NIPA1: variants seen among roughly 807,000 people sequenced by gnomAD.
The protein encoded by NIPA1 is magnesium transporter NIPA1.
NIPA1 carries 13 observed loss-of-function variants against 23.9 expected under a neutral mutation model. The ratio of observed to expected loss-of-function variants is 0.54; its 90% CI spans 0.35 to 0.87. The LOEUF is 0.87. NIPA1 is among the 40% of genes least tolerant of loss of function. The pLI is 0.01. For synonymous variants in NIPA1, 234 were observed against 202.9 expected, an observed-to-expected ratio of 1.15 and a Z score of -1.30; for missense variants, 362 against 429.7, an observed-to-expected ratio of 0.84 and a Z score of 1.39.
At chr15:22,793,707 A>G (rs1894883403) in intron 1 of NIPA1, among the ~76,000 whole-genome samples, 1 of 151,986 alleles carries the variant, frequency 6.6e-6, no homozygotes, top group Non-Finnish European at 1.5e-5. Flanking sequence ...CTTCCAACTT[A>G]TGTTTAAGTC....
chr15:22,803,503 CTT>C (rs35223839), intron 1 of NIPA1, among the ~76,000 whole-genome samples: 222 of 69,332 alleles, frequency 3.2e-3, no homozygotes, highest in Middle Eastern at 0.014. Context: ...TTAAAAGTGC[CTT>C]TTTTTTTTTT....
chr15:22,802,242 A>C (rs1437983275), intron 1 of NIPA1, among the ~76,000 whole-genome samples: 1 of 152,050 alleles, frequency 6.6e-6, no homozygotes. Context: ...AAATACAAAA[A>C]TTAGCCAGGC....
At chr15:22,812,530 G>A (rs1895339538) in intron 3 of NIPA1, among the ~76,000 whole-genome samples, 1 of 151,960 alleles carries the variant, frequency 6.6e-6, no homozygotes, top group Non-Finnish European at 1.5e-5. Context: ...GCGACCACCT[G>A]TAGTCCTAGC....
intron 1 of NIPA1, among the ~76,000 whole-genome samples, chr15:22,795,979 T>A (rs1056353842): frequency 6.6e-6 from 1 of 152,114 alleles, no homozygotes; most frequent in Non-Finnish European, 1.5e-5. Context: ...TCGCCCAGGC[T>A]GGAGTACATT....
At chr15:22,810,002 C>T (rs952803013) in intron 1 of NIPA1, among the ~76,000 whole-genome samples, 12 of 151,980 alleles carry the variant, frequency 7.9e-5, no homozygotes, top group African/African-American at 2.2e-4. Context: ...GCCGACATCG[C>T]GCCATTGCAC....
chr15:22,829,748 T>C lies in NIPA1; in HGVS notation c.*5509T>C, dbSNP rs149363063. ...TAAGTTTTCCAGTAATATTTATTAA[T>C]CTGTATGTGTTTTAAAATAAAATAA... On this transcript the variant is annotated 3_prime_UTR_variant, in exon 5 of 5. Coordinates refer to ENST00000337435, the MANE Select transcript of NIPA1 (RefSeq NM_144599.5). The C allele has an allele frequency of 6.6e-6, 1 of 152,334 alleles. No homozygotes were observed. Among genetic ancestry groups the C allele is most frequent in the African/African-American group, 2.4e-5 (1 of 41,574 alleles). The allele number at this position is 152,334 out of a possible 1,614,324, so 9.4% of individuals were successfully genotyped here.
At chr15:22,800,148 G>A (rs1895044834) in intron 1 of NIPA1, among the ~76,000 whole-genome samples, 1 of 151,614 alleles carries the variant, frequency 6.6e-6, no homozygotes, top group Non-Finnish European at 1.5e-5. Context: ...ACCTGCCCAT[G>A]GTCCCCTGAA....
chr15:22,788,756 T>A (rs1382577993), intron 1 of NIPA1, among the ~76,000 whole-genome samples: 3 of 149,280 alleles, frequency 2.0e-5, no homozygotes, highest in Non-Finnish European at 4.5e-5. Context: ...AGTAGCCTTT[T>A]AAAAAAAACA....
chr15:22,792,710 T>A (rs1894858300), intron 1 of NIPA1, among the ~76,000 whole-genome samples: 1 of 152,000 alleles, frequency 6.6e-6, no homozygotes, highest in East Asian at 1.9e-4. Context: ...TCCCAGCACT[T>A]TAGGAGGCCG....
chr15:22,789,153 C>G lies in NIPA1; in HGVS notation c.178+2319C>G, dbSNP rs571232554. Among the ~76,000 whole-genome samples the G allele has an allele frequency of 4.7e-4, 71 of 151,676 alleles. 1 individual carries two copies. The South Asian group carries it at 0.014, about 31-fold the overall frequency. ...TACAGGCGCGTGCCACCATATCTGG[C>G]TAATTTTGTGCTTTTACTGGAGATG... On this transcript the variant is annotated intron_variant, in intron 1 of 4. Coordinates refer to ENST00000337435, the MANE Select transcript of NIPA1 (RefSeq NM_144599.5).
chr15:22,790,350 G>A (rs1894801595), intron 1 of NIPA1, among the ~76,000 whole-genome samples: 1 of 151,472 alleles, frequency 6.6e-6, no homozygotes, highest in Non-Finnish European at 1.5e-5. Flanking sequence ...TTGTTTTTGA[G>A]ATGGAGTCTT....
chr15:22,786,592 A>C (rs1595626516), upstream of NIPA1: 6 of 534,704 alleles, frequency 1.1e-5, no homozygotes, highest in Non-Finnish European at 1.4e-5. Flanking sequence ...CCTCCCGGTC[A>C]CCCCCCATCC....
chr15:22,798,946 C>G (rs1388495341), intron 1 of NIPA1, among the ~76,000 whole-genome samples: 4 of 145,148 alleles, frequency 2.8e-5, no homozygotes, highest in Non-Finnish European at 6.0e-5. Flanking sequence ...CCTTGGTTAA[C>G]AATGATCATT....
intron 4 of NIPA1, 138 bp downstream of exon 4, chr15:22,820,611 G>A (rs922083020): frequency 1.3e-6 from 1 of 780,798 alleles, no homozygotes; most frequent in African/African-American, 1.7e-5. Context: ...GTAGATCTGT[G>A]TTCTCTGGGA....
intron 1 of NIPA1, among the ~76,000 whole-genome samples, chr15:22,797,914 G>A (rs1335212251): frequency 3.4e-5 from 5 of 146,466 alleles, no homozygotes; most frequent in African/African-American, 1.3e-4. Context: ...GCACAATCTC[G>A]GCTCACTGCA....
Position 22,810,767 on chromosome 15 carries a change from A to G in NIPA1, c.197A>G (p.Asp66Gly). Residue 66 changes from aspartate to glycine, a missense_variant, in exon 2 of 5, where the codon GAC becomes GGC. Coordinates refer to ENST00000337435, the MANE Select transcript of NIPA1 (RefSeq NM_144599.5). ...TTTATAGGTACTTCCTATTTAACAG[A>G]CATTGTGTGGTGGGCTGGCACAATC... ...AKRRGTSYLTDIVWWAGTIAM... is the reference protein window; with the variant it reads ...AKRRGTSYLTGIVWWAGTIAM... The G allele has an allele frequency of 6.2e-7, 1 of 1,610,546 alleles. No individual in the cohort carries two copies. The highest frequency in any genetic ancestry group is 8.5e-7 in the Non-Finnish European group (1 of 1,176,726).
chr15:22,802,898 G>GT (rs1895114783), intron 1 of NIPA1, among the ~76,000 whole-genome samples: 1 of 152,120 alleles, frequency 6.6e-6, no homozygotes, highest in African/African-American at 2.4e-5. Context: ...TTGCTGAGTA[G>GT]TGTTGTGTTG....
Position 22,825,304 on chromosome 15 carries a change from T to TA in NIPA1, c.*1066dup, listed in dbSNP as rs1333637219. On this transcript the variant is annotated 3_prime_UTR_variant, in exon 5 of 5. Transcript: ENST00000337435. ...CAGTAAAACTATGGTATTACAATGT[T>TA]ATGGGACCACCGTCATGTAAGTGGT... 5 of 152,184 alleles carry TA rather than the reference T, an allele frequency of 3.3e-5. No homozygotes were observed. Among genetic ancestry groups the TA allele is most frequent in the Admixed American group, 2.0e-4 (3 of 15,278 alleles). The allele number at this position is 152,184 out of a possible 1,614,324, so 9.4% of individuals were successfully genotyped here. A position where few individuals can be genotyped will look rare whatever the true frequency, so the allele number is the denominator to read the frequency against.
intron 1 of NIPA1, among the ~76,000 whole-genome samples, chr15:22,799,605 A>T (rs1375433694): frequency 6.6e-6 from 1 of 151,954 alleles, no homozygotes; most frequent in African/African-American, 2.4e-5. Flanking sequence ...ACACGGTGAA[A>T]CCCCATCTCT....
Sources: gnomAD v4.1 joint callset for allele counts (sites outside exome capture counted in the v4.1 genomes callset) on GRCh38, gnomAD v4.1.1 for gene constraint, MANE v1.5 for transcripts, NCBI Gene and HGNC (gene_info 2026-07-23, HGNC 2026-07-21) for gene names.